STAG1: variants seen among roughly 807,000 people sequenced by gnomAD.
The protein encoded by STAG1 is STAG1 cohesin complex component.
In STAG1, 26 loss-of-function variants were observed where a neutral mutation model predicts 170.9. That is an observed-to-expected ratio of 0.15 (90% CI 0.11 to 0.21). The LOEUF is 0.21. Ranked by LOEUF, STAG1 falls within the 10% of genes least tolerant of loss-of-function variation. The pLI is 1.00. For missense variants in STAG1, 964 were observed against 1,509.5 expected (o/e 0.64, Z 5.99); for synonymous variants, 514 against 497.7 (o/e 1.03, Z -0.44).
chr3:136,501,833 A>G (rs942159761), intron 8 of STAG1, among the ~76,000 whole-genome samples: 2 of 152,164 alleles, frequency 1.3e-5, no homozygotes, highest in African/African-American at 4.8e-5. Flanking sequence ...ATAGACTAAT[A>G]GTGCAGATCT....
intron 30 of STAG1, among the ~76,000 whole-genome samples, chr3:136,342,781 A>G (rs999908646): frequency 1.3e-5 from 2 of 152,260 alleles, no homozygotes; most frequent in African/African-American, 4.8e-5. Flanking sequence ...AGGGAAAAGA[A>G]GGCAGACCAT....
intron 16 of STAG1, among the ~76,000 whole-genome samples, chr3:136,429,294 G>T (rs949340237): frequency 1.3e-5 from 2 of 151,868 alleles, no homozygotes; most frequent in Non-Finnish European, 2.9e-5. Context: ...GTAATCCCTG[G>T]TACTTGGGAG....
At chr3:136,449,559 CAA>C (rs756074218) in intron 14 of STAG1, among the ~76,000 whole-genome samples, 7 of 91,556 alleles carry the variant, frequency 7.6e-5, no homozygotes, top group Admixed American at 2.5e-4. Context: ...GACTCTGTCT[CAA>C]AAAAAAAAAA....
chr3:136,650,055 T>A (rs2107854827), intron 1 of STAG1, among the ~76,000 whole-genome samples: 1 of 152,000 alleles, frequency 6.6e-6, no homozygotes, highest in Middle Eastern at 3.4e-3. Flanking sequence ...GCGTGAGCCA[T>A]CACGCCCAGC....
chr3:136,493,980 C>A (rs1932929396), intron 9 of STAG1, among the ~76,000 whole-genome samples: 1 of 152,120 alleles, frequency 6.6e-6, no homozygotes, highest in Non-Finnish European at 1.5e-5. Flanking sequence ...AACAAAAAAT[C>A]TGGCGGTGTG....
chr3:136,660,373 A>G (rs995454881), intron 1 of STAG1, among the ~76,000 whole-genome samples: 3 of 152,218 alleles, frequency 2.0e-5, no homozygotes, highest in African/African-American at 7.2e-5. Flanking sequence ...AAAGATAATA[A>G]AATTTAGCAA....
At chr3:136,695,441 A>T (rs1447585608) in intron 1 of STAG1, among the ~76,000 whole-genome samples, 1 of 152,014 alleles carries the variant, frequency 6.6e-6, no homozygotes, top group Non-Finnish European at 1.5e-5. Context: ...TGTCTCAAAA[A>T]AAAAAAAAAG....
intron 32 of STAG1, 51 bp downstream of exon 32, chr3:136,340,440 C>T (rs1022838520): frequency 2.5e-6 from 3 of 1,221,354 alleles, no homozygotes; most frequent in Non-Finnish European, 3.6e-6. Context: ...TCATCTTACA[C>T]CAATGCCCCC....
intron 4 of STAG1, among the ~76,000 whole-genome samples, chr3:136,593,135 G>A (rs1007936339): frequency 2.0e-5 from 3 of 152,120 alleles, no homozygotes; most frequent in Non-Finnish European, 4.4e-5. Context: ...ATCCAAAAAG[G>A]TATGCTCACT....
chr3:136,680,817 G>A (rs532155238), intron 1 of STAG1, among the ~76,000 whole-genome samples: 7 of 151,026 alleles, frequency 4.6e-5, no homozygotes, highest in African/African-American at 1.2e-4. Flanking sequence ...ACCTATATAC[G>A]TATAAAAGTA....
Position 136,665,701 on chromosome 3 carries a change from A to T in STAG1, c.-83-34720T>A, listed in dbSNP as rs551916037. On this transcript the variant is annotated intron_variant, in intron 1 of 33. Transcript: ENST00000383202. Reference sequence around the variant, plus strand: ...AGGCTGAGGCAGGAGAATGGTGTGAACCCAGGAGGCAGAGCTTGCAGTGAG... The same window carrying T: ...AGGCTGAGGCAGGAGAATGGTGTGATCCCAGGAGGCAGAGCTTGCAGTGAG... Among the ~76,000 whole-genome samples the T allele has an allele frequency of 1.5e-4, 23 of 150,036 alleles. No individual in the cohort carries two copies. In the South Asian group the frequency reaches 5.0e-3, roughly 32 times the overall value.
intron 9 of STAG1, among the ~76,000 whole-genome samples, chr3:136,485,628 A>G (rs1024360545): frequency 6.6e-6 from 1 of 152,218 alleles, no homozygotes; most frequent in Non-Finnish European, 1.5e-5. Flanking sequence ...TGCTCAGCTA[A>G]GAAATATAAT....
intron 22 of STAG1, among the ~76,000 whole-genome samples, chr3:136,392,145 T>C (rs1438906979): frequency 4.6e-5 from 7 of 152,158 alleles, no homozygotes; most frequent in African/African-American, 1.4e-4. Context: ...TAAAAGTATA[T>C]ACAATCATTG....
At chr3:136,697,568 T>C (rs1942936148) in intron 1 of STAG1, among the ~76,000 whole-genome samples, 1 of 152,218 alleles carries the variant, frequency 6.6e-6, no homozygotes, top group Non-Finnish European at 1.5e-5. Context: ...TCAGAAAATC[T>C]TGGGAGGGCA....
chr3:136,704,479 A>G (rs886950994), intron 1 of STAG1, among the ~76,000 whole-genome samples: 2 of 152,176 alleles, frequency 1.3e-5, no homozygotes, highest in Non-Finnish European at 1.5e-5. Flanking sequence ...AAAGAGAGGA[A>G]GGGCAACAAA....
At chr3:136,477,634 A>C (rs1048024950) in intron 9 of STAG1, among the ~76,000 whole-genome samples, 11 of 152,166 alleles carry the variant, frequency 7.2e-5, no homozygotes, top group African/African-American at 2.7e-4. Flanking sequence ...ATTTTGACCC[A>C]ATTACTCTAT....
intron 32 of STAG1, 130 bp from the exon 33 acceptor site, chr3:136,338,580 A>T (rs1308810694): frequency 1.5e-6 from 1 of 663,192 alleles, no homozygotes; most frequent in Admixed American, 3.0e-5. Context: ...GAAAGGAAGA[A>T]GAGAATCTGG....
intron 1 of STAG1, among the ~76,000 whole-genome samples, chr3:136,681,774 G>A (rs1486193761): frequency 6.6e-6 from 1 of 151,894 alleles, no homozygotes; most frequent in African/African-American, 2.4e-5. Flanking sequence ...AGAAAGGGAG[G>A]GAGTCACATG....
intron 32 of STAG1, among the ~76,000 whole-genome samples, chr3:136,338,926 T>G (rs1935822561): frequency 6.6e-6 from 1 of 152,204 alleles, no homozygotes; most frequent in African/African-American, 2.4e-5. Flanking sequence ...TATGGAAAAT[T>G]CACAACATAC....
Sources: allele counts gnomAD v4.1 joint callset (sites outside exome capture counted in the v4.1 genomes callset), GRCh38; gene constraint gnomAD v4.1.1; transcripts MANE v1.5; gene names NCBI Gene and HGNC (gene_info 2026-07-23, HGNC 2026-07-21).